Variants in SLC9D1 observed in about 807,000 individuals in gnomAD.
SLC9D1 encodes the protein solute carrier family 9 member D1, also known as putative LAG1-interacting protein.
At chr13:113,501,947 T>G in the SLC9D1 span, 1 of 1,298,146 alleles carries the variant, frequency 7.7e-7, no homozygotes, top group Middle Eastern at 2.0e-4. Flanking sequence ...TCATGAAGAC[T>G]AAAAAGTATT....
At chr13:113,495,984 AGCCGGCAGC>A in the SLC9D1 span, 3 of 1,613,168 alleles carry the variant, frequency 1.9e-6, no homozygotes, top group Admixed American at 5.0e-5. Flanking sequence ...GAAGGAGAGC[AGCCGGCAGC>A]GCCTGGAGGC....
At chr13:113,495,714 C>T in the SLC9D1 span, 1 of 1,613,330 alleles carries the variant, frequency 6.2e-7, no homozygotes, top group South Asian at 1.1e-5. Context: ...GGCTGCCATG[C>T]AGAGCCGGCA....
chr13:113,510,409 C>T, the SLC9D1 span: 141 of 1,612,336 alleles, frequency 8.7e-5, no homozygotes, highest in East Asian at 1.1e-4. Context: ...GGGCAGTGCT[C>T]GGGGTGACAA....
At chr13:113,501,653 A>T in the SLC9D1 span, 1 of 905,694 alleles carries the variant, frequency 1.1e-6, no homozygotes, top group Non-Finnish European at 1.7e-6. Context: ...CCATCAGGTG[A>T]AATCGGGGAA....
the SLC9D1 span, among the ~76,000 whole-genome samples, chr13:113,545,351 A>G: frequency 2.6e-5 from 4 of 152,208 alleles, no homozygotes; most frequent in Non-Finnish European, 5.9e-5. Context: ...GGTGGGGCCC[A>G]GGAACCCAAG....
chr13:113,505,040 A>G, the SLC9D1 span: 3 of 151,896 alleles, frequency 2.0e-5, no homozygotes, highest in Non-Finnish European at 4.4e-5. Flanking sequence ...TTTGATTTGC[A>G]TTTTCCTGAT....
the SLC9D1 span, among the ~76,000 whole-genome samples, chr13:113,506,597 C>T: frequency 0.023 from 3,533 of 151,430 alleles, 87 homozygotes; most frequent in East Asian, 0.11. Context: ...GAGAGGTTTG[C>T]AGCAAAGGGC....
chr13:113,498,331 C>T, the SLC9D1 span: 2 of 1,515,810 alleles, frequency 1.3e-6, no homozygotes, highest in Non-Finnish European at 1.8e-6. Flanking sequence ...TCTTTTCTTA[C>T]AAATGAATAG....
chr13:113,544,576 G>C, the SLC9D1 span, among the ~76,000 whole-genome samples: 1 of 152,354 alleles, frequency 6.6e-6, no homozygotes, highest in Non-Finnish European at 1.5e-5. Context: ...ATTAGCTCGG[G>C]CCATCAACAA....
chr13:113,545,359 A>G, the SLC9D1 span, among the ~76,000 whole-genome samples: 8 of 152,368 alleles, frequency 5.3e-5, no homozygotes, highest in African/African-American at 1.9e-4. Flanking sequence ...CCAGGAACCC[A>G]AGACTTGAGC....
At chr13:113,497,506 G>T in the SLC9D1 span, among the ~76,000 whole-genome samples, 1 of 151,004 alleles carries the variant, frequency 6.6e-6, no homozygotes, top group South Asian at 2.1e-4. Context: ...ACCTGCAGCT[G>T]TGTGAGACCT....
the SLC9D1 span, among the ~76,000 whole-genome samples, chr13:113,514,640 T>G: frequency 4.0e-5 from 4 of 100,556 alleles, no homozygotes; most frequent in Non-Finnish European, 7.5e-5. Flanking sequence ...GACCGAGTCT[T>G]GCAACAGGAA....
chr13:113,523,617 G>T, the SLC9D1 span, among the ~76,000 whole-genome samples: 2 of 151,982 alleles, frequency 1.3e-5, no homozygotes, highest in Non-Finnish European at 2.9e-5. Context: ...TTATTTTGTT[G>T]TTGTTTTCAA....
chr13:113,491,650 G>A, the SLC9D1 span, among the ~76,000 whole-genome samples: 2 of 152,326 alleles, frequency 1.3e-5, no homozygotes, highest in East Asian at 3.9e-4. Context: ...CCTTGCCTAG[G>A]CGCTCTTCGC....
chr13:113,497,734 AT>A, the SLC9D1 span, among the ~76,000 whole-genome samples: 3 of 152,224 alleles, frequency 2.0e-5, no homozygotes, highest in Non-Finnish European at 4.4e-5. Flanking sequence ...TGAGGCGATG[AT>A]GTTCTTCTAG....
chr13:113,511,430 G>A, the SLC9D1 span, among the ~76,000 whole-genome samples: 1 of 152,172 alleles, frequency 6.6e-6, no homozygotes, highest in Non-Finnish European at 1.5e-5. Flanking sequence ...CAGGGTGCTG[G>A]AGCATGTGGG....
the SLC9D1 span, chr13:113,539,537 G>A: frequency 2.5e-6 from 4 of 1,606,716 alleles, no homozygotes; most frequent in Non-Finnish European, 3.4e-6. This position sits in a 1 kb window ranked among gnomAD's most constrained non-coding sequence, Gnocchi z 4.8. Flanking sequence ...TTATGATTGT[G>A]TTGGTTAAAC....
the SLC9D1 span, among the ~76,000 whole-genome samples, chr13:113,502,690 G>C: frequency 6.6e-6 from 1 of 152,214 alleles, no homozygotes; most frequent in Non-Finnish European, 1.5e-5. Context: ...TGCGAGCAGC[G>C]TGGAGAACGG....
the SLC9D1 span, among the ~76,000 whole-genome samples, chr13:113,537,521 T>C: frequency 5.9e-5 from 9 of 152,260 alleles, no homozygotes; most frequent in Admixed American, 5.2e-4. Context: ...ATGTCAGATA[T>C]GTTTTTGCAA....
Sources: gnomAD v4.1 joint callset for allele counts (sites outside exome capture counted in the v4.1 genomes callset) on GRCh38, gnomAD v4.1.1 for gene constraint, Gnocchi (gnomAD v3.1) non-coding constraint, MANE v1.5 for transcripts, NCBI Gene and HGNC (gene_info 2026-07-23, HGNC 2026-07-21) for gene names.